The following CUL3 variants were observed in gnomAD, a reference collection of about 807,000 sequenced individuals.
CUL3 encodes the protein cullin-3.
Under a neutral mutation model 89.1 loss-of-function variants are expected in CUL3, and 19 were observed. The observed-to-expected ratio is 0.21, with a 90% confidence interval of 0.15 to 0.31. CUL3 has a LOEUF of 0.31. Ranked by LOEUF, CUL3 falls within the 10% of genes least tolerant of loss-of-function variation. The probability of loss-of-function intolerance (pLI) is 1.00; values close to 1 mark genes in which losing one functional copy is unlikely to be tolerated. For synonymous variants in CUL3, 351 were observed against 308.4 expected, an observed-to-expected ratio of 1.14 and a Z score of -1.45; for missense variants, 469 against 942.3, an observed-to-expected ratio of 0.50 and a Z score of 6.58.
intron 3 of CUL3, among the ~76,000 whole-genome samples, chr2:224,525,334 G>A (rs13003581): frequency 0.095 from 14,510 of 152,150 alleles, 921 homozygotes; most frequent in East Asian, 0.27. Context: ...TAAATCCAAT[G>A]TTCTACTCCA....
At chr2:224,504,975 T>C (rs1692537718) in intron 8 of CUL3, among the ~76,000 whole-genome samples, 1 of 152,174 alleles carries the variant, frequency 6.6e-6, no homozygotes, top group Admixed American at 6.5e-5. Flanking sequence ...ATCTATGCCT[T>C]AATATTCTTG....
At chr2:224,562,782 C>T (rs1380410898) in intron 1 of CUL3, 1 of 153,486 alleles carries the variant, frequency 6.5e-6, no homozygotes, top group Non-Finnish European at 1.4e-5. Context: ...TTCCATTGTG[C>T]TAATATGGTA....
At chr2:224,572,359 G>C (rs941049157) in intron 1 of CUL3, among the ~76,000 whole-genome samples, 1 of 151,896 alleles carries the variant, frequency 6.6e-6, no homozygotes, top group African/African-American at 2.4e-5. Context: ...TAAAAGGTAC[G>C]GCAATGCAGG....
intron 6 of CUL3, among the ~76,000 whole-genome samples, chr2:224,511,093 T>C (rs1692809443): frequency 6.6e-6 from 1 of 152,180 alleles, no homozygotes; most frequent in African/African-American, 2.4e-5. Context: ...CCAATACTAT[T>C]ACACCTTTTA....
chr2:224,569,574 G>T (rs759858548), intron 1 of CUL3: 14 of 370,698 alleles, frequency 3.8e-5, no homozygotes, highest in Non-Finnish European at 5.2e-5. Flanking sequence ...AATCTATAAT[G>T]GTCTTTGTTT....
chr2:224,561,343 G>A (rs1056344263), intron 1 of CUL3, among the ~76,000 whole-genome samples: 1 of 152,186 alleles, frequency 6.6e-6, no homozygotes, highest in Non-Finnish European at 1.5e-5. Flanking sequence ...ACATTGATCA[G>A]CTTCACACAA....
chr2:224,501,482 T>C (rs926420467), intron 10 of CUL3, among the ~76,000 whole-genome samples: 1 of 152,266 alleles, frequency 6.6e-6, no homozygotes, highest in Admixed American at 6.5e-5. Flanking sequence ...ATATTATTTC[T>C]ATTATTGATA....
intron 1 of CUL3, among the ~76,000 whole-genome samples, chr2:224,580,967 G>A (rs1053519891): frequency 6.6e-6 from 1 of 151,698 alleles, no homozygotes; most frequent in African/African-American, 2.4e-5. Flanking sequence ...TTGGTCAAAG[G>A]ATACAAGTTT....
chr2:224,562,878 G>A (rs991944718), intron 1 of CUL3: 3 of 173,010 alleles, frequency 1.7e-5, no homozygotes, highest in Admixed American at 1.3e-4. Context: ...GACAGCCTTA[G>A]GTTTGTGCCA....
chr2:224,476,709 T>C (rs1559334487), intron 15 of CUL3, among the ~76,000 whole-genome samples: 1 of 152,232 alleles, frequency 6.6e-6, no homozygotes, highest in Non-Finnish European at 1.5e-5. Flanking sequence ...TCATACTCTC[T>C]ATACAATCCT....
At chr2:224,499,725 C>A in intron 11 of CUL3, 1 of 211,220 alleles carries the variant, frequency 4.7e-6, no homozygotes, top group South Asian at 8.9e-5. Flanking sequence ...CTTGTGCAAT[C>A]AGCTCACAGA....
At chr2:224,503,497 T>C (rs1345787175) in intron 9 of CUL3, among the ~76,000 whole-genome samples, 155 bp downstream of exon 9, 1 of 152,232 alleles carries the variant, frequency 6.6e-6, no homozygotes, top group Non-Finnish European at 1.5e-5. Context: ...GAACAAATGT[T>C]AGTGTAGTCT....
At chr2:224,492,369 T>C (rs1692016890) in intron 13 of CUL3, among the ~76,000 whole-genome samples, 1 of 152,178 alleles carries the variant, frequency 6.6e-6, no homozygotes, top group Non-Finnish European at 1.5e-5. Flanking sequence ...TTGCTATAAA[T>C]TATTGATGAA....
intron 3 of CUL3, among the ~76,000 whole-genome samples, chr2:224,531,088 C>CTTTT (rs36035608): frequency 1.9e-4 from 26 of 137,024 alleles, no homozygotes; most frequent in African/African-American, 7.0e-4. Context: ...CTAAAATAGC[C>CTTTT]TTTTTTTTTT....
intron 13 of CUL3, among the ~76,000 whole-genome samples, chr2:224,489,770 A>T (rs904140953): frequency 6.6e-6 from 1 of 152,216 alleles, no homozygotes; most frequent in Admixed American, 6.5e-5. Context: ...AAACGTAGGC[A>T]ATACCATTCA....
intron 14 of CUL3, 90 bp from the exon 15 acceptor site, chr2:224,478,435 T>C: frequency 7.8e-7 from 1 of 1,279,864 alleles, no homozygotes; most frequent in South Asian, 1.5e-5. Context: ...AATCCACAGA[T>C]AAAAACCAAT....
At chr2:224,571,888 T>C (rs1695189270) in intron 1 of CUL3, among the ~76,000 whole-genome samples, 1 of 152,202 alleles carries the variant, frequency 6.6e-6, no homozygotes, top group South Asian at 2.1e-4. Context: ...GGAGCTAGAA[T>C]AAGCCTAAGG....
intron 1 of CUL3, among the ~76,000 whole-genome samples, chr2:224,583,831 A>T (rs892183111): frequency 1.4e-4 from 21 of 152,232 alleles, no homozygotes; most frequent in Admixed American, 3.9e-4. Flanking sequence ...GCGCTTCAGG[A>T]AAAGCATGCT....
chr2:224,515,695 C>CTT (rs11368683), intron 3 of CUL3, among the ~76,000 whole-genome samples: 24 of 145,336 alleles, frequency 1.7e-4, no homozygotes, highest in South Asian at 2.2e-4. Flanking sequence ...ACTTTCCAAA[C>CTT]TTTTTTTTTT....
Sources: gnomAD v4.1 joint callset for allele counts (sites outside exome capture counted in the v4.1 genomes callset) on GRCh38, gnomAD v4.1.1 for gene constraint, MANE v1.5 for transcripts, NCBI Gene and HGNC (gene_info 2026-07-23, HGNC 2026-07-21) for gene names.